ZNF521: variants seen among roughly 807,000 people sequenced by gnomAD.
ZNF521 encodes the protein zinc finger protein 521.
In ZNF521, 14 loss-of-function variants were observed where a neutral mutation model predicts 105.5. The observed-to-expected ratio is 0.13, with a 90% CI of 0.09 to 0.21. The LOEUF (loss-of-function observed/expected upper bound fraction) is 0.21, where lower values mean the gene tolerates loss of function less well. Among genes scored for constraint, ZNF521 ranks in the 10% least tolerant of loss-of-function variants. ZNF521 has a pLI of 1.00. For synonymous variants in ZNF521, 635 were observed against 606.0 expected (o/e 1.05, Z -0.70); for missense variants, 1,233 against 1,629.7 (o/e 0.76, Z 4.19).
intron 2 of ZNF521, among the ~76,000 whole-genome samples, chr18:25,332,778 A>G (rs1440943207): frequency 1.3e-5 from 2 of 152,154 alleles, no homozygotes; most frequent in African/African-American, 4.8e-5. Context: ...ACTTTTTCCT[A>G]CAGAATGACC....
intron 5 of ZNF521, among the ~76,000 whole-genome samples, chr18:25,180,322 C>T (rs960420922): frequency 6.6e-6 from 1 of 152,088 alleles, no homozygotes; most frequent in African/African-American, 2.4e-5. Context: ...CCCAGGTTTC[C>T]AACATCACAT....
At chr18:25,317,082 C>G (rs1405063082) in intron 3 of ZNF521, among the ~76,000 whole-genome samples, 1 of 152,006 alleles carries the variant, frequency 6.6e-6, no homozygotes, top group African/African-American at 2.4e-5. Context: ...GTCTCAAATT[C>G]CTGACCTCAG....
At chr18:25,075,029 A>C (rs2144140721) in intron 7 of ZNF521, among the ~76,000 whole-genome samples, 1 of 152,362 alleles carries the variant, frequency 6.6e-6, no homozygotes, top group Non-Finnish European at 1.5e-5. Context: ...TCCTGAAAGA[A>C]AGACAGTCCT....
chr18:25,336,988 A>T (rs1349473377), intron 2 of ZNF521, among the ~76,000 whole-genome samples: 1 of 152,212 alleles, frequency 6.6e-6, no homozygotes, highest in East Asian at 1.9e-4. Flanking sequence ...CAGATGGAGA[A>T]ACTGTAGTAC....
chr18:25,340,677 C>G (rs1294796810), intron 2 of ZNF521, among the ~76,000 whole-genome samples: 1 of 151,792 alleles, frequency 6.6e-6, no homozygotes, highest in Non-Finnish European at 1.5e-5. Flanking sequence ...TCACTGAGAC[C>G]TTTTTTTTGA....
intron 3 of ZNF521, among the ~76,000 whole-genome samples, chr18:25,298,271 T>G (rs1023441576): frequency 6.6e-6 from 1 of 152,328 alleles, no homozygotes; most frequent in East Asian, 1.9e-4. Context: ...TTCTAAATGA[T>G]GTCTTAGTCA....
intron 5 of ZNF521, among the ~76,000 whole-genome samples, chr18:25,121,250 G>A (rs1342625136): frequency 3.5e-5 from 5 of 144,012 alleles, no homozygotes; most frequent in African/African-American, 5.1e-5. Context: ...TAGCCACCGC[G>A]CCCAGCCTTC....
intron 3 of ZNF521, among the ~76,000 whole-genome samples, chr18:25,275,827 G>T (rs1250543465): frequency 6.6e-6 from 1 of 152,116 alleles, no homozygotes; most frequent in Non-Finnish European, 1.5e-5. Context: ...TTGCAGCTGT[G>T]CCCTTCCCCT....
chr18:25,131,499 A>T (rs1441670156), intron 5 of ZNF521, among the ~76,000 whole-genome samples: 1 of 152,116 alleles, frequency 6.6e-6, no homozygotes, highest in Non-Finnish European at 1.5e-5. Context: ...CTTGTCAAAT[A>T]CTTTTTCCTG....
At chr18:25,147,657 T>C (rs1231903056) in intron 5 of ZNF521, among the ~76,000 whole-genome samples, 1 of 152,172 alleles carries the variant, frequency 6.6e-6, no homozygotes, top group African/African-American at 2.4e-5. Context: ...TGAGATTTTA[T>C]ATCTATAAAA....
At chr18:25,113,276 GTC>G in intron 5 of ZNF521, among the ~76,000 whole-genome samples, 2 of 152,160 alleles carry the variant, frequency 1.3e-5, no homozygotes, top group Middle Eastern at 6.8e-3. Context: ...GCTTGCAACA[GTC>G]TCTGTATCTA....
intron 6 of ZNF521, 41 bp from the exon 7 acceptor site, chr18:25,089,621 T>C: frequency 1.3e-6 from 2 of 1,539,746 alleles, no homozygotes; most frequent in Non-Finnish European, 1.8e-6. Context: ...TTATTTTGTT[T>C]CCGAAATGCC....
Position 25,316,958 on chromosome 18 carries a change from G to A in ZNF521, c.220+5050C>T, listed in dbSNP as rs370736118. ...CAACCTCCGCCTCCTGGGTTCAAGC[G>A]ATTCTCCTGCCTCAGCCTCCAAAGT... On this transcript the variant is annotated intron_variant, in intron 3 of 7. Transcript: ENST00000361524. Among the ~76,000 whole-genome samples the A allele has an allele frequency of 1.5e-4, 22 of 150,854 alleles. No individual in the cohort carries two copies. The East Asian group carries it at 2.6e-3, about 18-fold the overall frequency.
chr18:25,180,749 C>G (rs1376136357), intron 5 of ZNF521, among the ~76,000 whole-genome samples: 3 of 152,056 alleles, frequency 2.0e-5, no homozygotes, highest in Non-Finnish European at 4.4e-5. Flanking sequence ...CAGCCCAAAA[C>G]GATTGAGAAC....
At chr18:25,228,593 T>C (rs1052333333) in intron 3 of ZNF521, among the ~76,000 whole-genome samples, 2 of 152,190 alleles carry the variant, frequency 1.3e-5, no homozygotes, top group Admixed American at 1.3e-4. Context: ...ACCTGCACTT[T>C]GAGGTGAGCA....
At chr18:25,116,913 G>A (rs944978689) in intron 5 of ZNF521, among the ~76,000 whole-genome samples, 32 of 127,900 alleles carry the variant, frequency 2.5e-4, no homozygotes, top group African/African-American at 9.2e-4. Context: ...GTATATATAC[G>A]TATATCTATG....
At chr18:25,204,065 T>A (rs2036037748) in intron 4 of ZNF521, among the ~76,000 whole-genome samples, 1 of 152,172 alleles carries the variant, frequency 6.6e-6, no homozygotes. Flanking sequence ...CTTTCCCTCC[T>A]GCAAGAGTAA....
chr18:25,273,645 A>G (rs560113633), intron 3 of ZNF521: 6 of 152,360 alleles, frequency 3.9e-5, no homozygotes, highest in African/African-American at 1.2e-4. Context: ...ATAAAAGGGT[A>G]TGTATAGTAC....
chr18:25,099,403 T>C (rs530599587), intron 5 of ZNF521, among the ~76,000 whole-genome samples: 2 of 152,162 alleles, frequency 1.3e-5, no homozygotes, highest in African/African-American at 2.4e-5. Flanking sequence ...CAAAATAAGA[T>C]GAAAATACTC....
Sources: gnomAD v4.1 joint callset for allele counts (sites outside exome capture counted in the v4.1 genomes callset) on GRCh38, gnomAD v4.1.1 for gene constraint, MANE v1.5 for transcripts, NCBI Gene and HGNC (gene_info 2026-07-23, HGNC 2026-07-21) for gene names.